Variants in ACACB observed in about 807,000 individuals in gnomAD.
The protein encoded by ACACB is acetyl-CoA carboxylase beta, also known as acetyl-CoA carboxylase 2.
Under a neutral mutation model 278.8 loss-of-function variants are expected in ACACB, and 209 were observed. The observed-to-expected ratio is 0.75, with a 90% CI of 0.67 to 0.84. The LOEUF is 0.84. Among genes scored for constraint, ACACB ranks in the 40% least tolerant of loss-of-function variants. ACACB has a pLI of 0.00. For missense variants in ACACB, 2,850 were observed against 3,269.0 expected, an observed-to-expected ratio of 0.87 and a Z score of 3.13; for synonymous variants, 1,174 against 1,285.6, an observed-to-expected ratio of 0.91 and a Z score of 1.86.
intron 7 of ACACB, among the ~76,000 whole-genome samples, chr12:109,174,536 C>A: frequency 7.0e-6 from 1 of 142,816 alleles, no homozygotes. Flanking sequence ...TTTTTCTGGC[C>A]ATATTCTTTG....
At position 109,222,502 on chromosome 12, in the gene ACACB, C is replaced by T. The variant is rs1021678980; in HGVS notation, c.3565-5C>T. ...GCCATTTGGCTTCTTTTTCTGTCCC[C>T]TAAGGATGAGCTGTGTGGCCCAGAC... On this transcript the variant is annotated splice_region_variant and splice_polypyrimidine_tract_variant and intron_variant, in intron 24 of 52. Coordinates refer to ENST00000338432, the MANE Select transcript of ACACB (RefSeq NM_001093.4). The T allele has an allele frequency of 9.3e-6, 15 of 1,613,826 alleles. No homozygotes were observed. Among genetic ancestry groups the T allele is most frequent in the Non-Finnish European group, 1.3e-5 (15 of 1,179,816 alleles).
intron 2 of ACACB, among the ~76,000 whole-genome samples, chr12:109,145,803 A>T (rs937621609): frequency 6.6e-6 from 1 of 151,918 alleles, no homozygotes; most frequent in Non-Finnish European, 1.5e-5. Context: ...GTTTGAGACC[A>T]GCCTGGCCAA....
At chr12:109,159,075 G>A (rs1392520456) in intron 2 of ACACB, among the ~76,000 whole-genome samples, 1 of 152,230 alleles carries the variant, frequency 6.6e-6, no homozygotes. Context: ...TGACCCATGG[G>A]TCCTAGTTTG....
chr12:109,125,276 A>C (rs968451126), intron 1 of ACACB: 1 of 152,162 alleles, frequency 6.6e-6, no homozygotes, highest in African/African-American at 2.4e-5. Context: ...ATCCGTTTGC[A>C]GCCTCTCTTT....
chr12:109,229,368 G>A (rs1040981460), intron 28 of ACACB, among the ~76,000 whole-genome samples: 8 of 152,214 alleles, frequency 5.3e-5, no homozygotes, highest in African/African-American at 7.2e-5. Flanking sequence ...CGTGGAGTGG[G>A]AATTTGAGCC....
rs1346750205 is a variant in ACACB, at chr12:109,262,950, T to TTTTA, written c.6787+482_6787+483insTTAT. On this transcript the variant is annotated intron_variant, in intron 49 of 52. Transcript: ENST00000338432. ...CATTTCTAAATCAACCTTTTTAACA[T>TTTTA]TATATATATATATATATATATATAT... The TTTTA allele has an allele frequency of 7.5e-4, 47 of 62,502 alleles. 2 individuals are homozygous for TTTTA. Among genetic ancestry groups the TTTTA allele is most frequent in the East Asian group, 4.2e-3 (6 of 1,416 alleles). 3.9% of individuals were successfully genotyped at this position (62,502 alleles called of 1,614,324 possible).
upstream of ACACB, among the ~76,000 whole-genome samples, chr12:109,115,303 T>A (rs1180810833): frequency 6.6e-6 from 1 of 152,164 alleles, no homozygotes; most frequent in Non-Finnish European, 1.5e-5. Context: ...TTTCAAAGCC[T>A]AATAGTCCTG....
intron 42 of ACACB, 58 bp downstream of exon 42, chr12:109,252,214 A>G: frequency 8.3e-7 from 1 of 1,212,102 alleles, no homozygotes; most frequent in Non-Finnish European, 1.1e-6. Flanking sequence ...TCATTTTAAC[A>G]TTCCCATTGG....
At chr12:109,154,367 C>G (rs1391178024) in intron 2 of ACACB, among the ~76,000 whole-genome samples, 2 of 152,230 alleles carry the variant, frequency 1.3e-5, no homozygotes, top group African/African-American at 4.8e-5. Flanking sequence ...ACAGTGGCGA[C>G]CTCTGACTCA....
At chr12:109,121,132 G>T (rs1193828261) in intron 1 of ACACB, among the ~76,000 whole-genome samples, 4 of 152,100 alleles carry the variant, frequency 2.6e-5, no homozygotes, top group Non-Finnish European at 5.9e-5. Flanking sequence ...TAGAAACAGG[G>T]TTTCACCATG....
chr12:109,183,126 T>C (rs2044536482), intron 11 of ACACB, among the ~76,000 whole-genome samples: 1 of 152,236 alleles, frequency 6.6e-6, no homozygotes, highest in South Asian at 2.1e-4. Flanking sequence ...CTCTATTCTG[T>C]CCCATTGATC....
chr12:109,265,969 G>C (rs1373915556), intron 52 of ACACB, among the ~76,000 whole-genome samples: 1 of 152,212 alleles, frequency 6.6e-6, no homozygotes, highest in Non-Finnish European at 1.5e-5. Flanking sequence ...ACCCCATTTT[G>C]GGGATGAAGC....
chr12:109,154,862 G>C (rs998973729), intron 2 of ACACB: 1 of 152,774 alleles, frequency 6.5e-6, no homozygotes, highest in South Asian at 2.1e-4. Context: ...CCCTGCGGGA[G>C]CCCGGTGGGA....
At position 109,197,004 on chromosome 12, in the gene ACACB, A is replaced by C; in HGVS notation, c.2482-4A>C. The C allele has an allele frequency of 6.4e-7, 1 of 1,550,784 alleles. No individual in the cohort carries two copies. The highest frequency in any genetic ancestry group is 8.7e-7 in the Non-Finnish European group (1 of 1,155,020). ...AGGCGGTGACAAGGGGCTTGTCCCC[A>C]CAGGTGGCCCGGCAGTCTCTGACCA... On this transcript the variant is annotated splice_polypyrimidine_tract_variant and splice_region_variant and intron_variant, in intron 16 of 52. Transcript: ENST00000338432.
intron 2 of ACACB, among the ~76,000 whole-genome samples, chr12:109,144,241 A>C (rs1298736931): frequency 6.6e-6 from 1 of 152,152 alleles, no homozygotes; most frequent in Non-Finnish European, 1.5e-5. Context: ...TGAACTCAGG[A>C]GGTGGAGGTT....
At chr12:109,140,502 C>G (rs2136028940) in intron 2 of ACACB, among the ~76,000 whole-genome samples, 1 of 152,210 alleles carries the variant, frequency 6.6e-6, no homozygotes, top group East Asian at 1.9e-4. Flanking sequence ...ACTAAAAATA[C>G]AAAAATTCAC....
At chr12:109,249,808 A>G in intron 40 of ACACB, 176 bp from the exon 41 acceptor site, 1 of 656,154 alleles carries the variant, frequency 1.5e-6, no homozygotes, top group Non-Finnish European at 2.4e-6. Flanking sequence ...TTGCCCTTTT[A>G]GAAATCTTAG....
At chr12:109,170,716 A>ATGTTTT (rs1411785980) in intron 4 of ACACB, among the ~76,000 whole-genome samples, 1 of 152,208 alleles carries the variant, frequency 6.6e-6, no homozygotes, top group Non-Finnish European at 1.5e-5. Flanking sequence ...AGTTGTGGAC[A>ATGTTTT]TCTGTTTCAC....
At chr12:109,153,931 T>G (rs1340748051) in intron 2 of ACACB, among the ~76,000 whole-genome samples, 3 of 152,180 alleles carry the variant, frequency 2.0e-5, no homozygotes, top group African/African-American at 4.8e-5. Context: ...GTGCTGGTAT[T>G]ACAGGCATGA....
Sources: gnomAD v4.1 joint callset for allele counts (sites outside exome capture counted in the v4.1 genomes callset) on GRCh38, gnomAD v4.1.1 for gene constraint, MANE v1.5 for transcripts, NCBI Gene and HGNC (gene_info 2026-07-23, HGNC 2026-07-21) for gene names.